ZNHIT6: variants seen among roughly 807,000 people sequenced by gnomAD.
ZNHIT6 encodes the protein zinc finger HIT-type containing 6.
ZNHIT6 carries 45 observed loss-of-function variants against 57.2 expected under a neutral mutation model. That is an observed-to-expected ratio of 0.79 (90% CI 0.62 to 1.01). The LOEUF (loss-of-function observed/expected upper bound fraction) is 1.01, where lower values mean the gene tolerates loss of function less well. Among genes scored for constraint, ZNHIT6 ranks in the 50% least tolerant of loss-of-function variants. The probability of loss-of-function intolerance (pLI) is 0.00; values close to 1 mark genes in which losing one functional copy is unlikely to be tolerated. For synonymous variants in ZNHIT6, 188 were observed against 190.0 expected (o/e 0.99, Z 0.09); for missense variants, 528 against 567.3 (o/e 0.93, Z 0.70).
At chr1:85,669,174 A>G (rs1015280194) in intron 8 of ZNHIT6, among the ~76,000 whole-genome samples, 6 of 152,096 alleles carry the variant, frequency 3.9e-5, no homozygotes, top group Non-Finnish European at 8.8e-5. Flanking sequence ...GGTTTACAGG[A>G]AGGAAGAATA....
Position 85,652,368 on chromosome 1 carries a change from A to G in ZNHIT6, c.*1690T>C, listed in dbSNP as rs1231960757. On this transcript the variant is annotated 3_prime_UTR_variant, in exon 10 of 10. Coordinates refer to ENST00000370574, the MANE Select transcript of ZNHIT6 (RefSeq NM_017953.4). The stretch of plus-strand genomic sequence containing the variant: ...TTTGATTATAAATGAATTCCTTGAA[A>G]TCTTATTTGTCTCTCCAATAATACT... 3.3e-5 allele frequency: 5 copies of G among 152,196 alleles called. No individual in the cohort carries two copies. The highest frequency in any genetic ancestry group is 7.4e-5 in the Non-Finnish European group (5 of 68,022). The allele number at this position is 152,196 out of a possible 1,614,324, so 9.4% of individuals were successfully genotyped here.
intron 5 of ZNHIT6, among the ~76,000 whole-genome samples, chr1:85,688,306 G>A (rs1361152704): frequency 1.3e-5 from 2 of 152,168 alleles, no homozygotes; most frequent in Non-Finnish European, 2.9e-5. Flanking sequence ...CAGCTGGAAA[G>A]TAGCAGAGCT....
Position 85,651,417 on chromosome 1 carries a change from T to C in ZNHIT6, c.*2641A>G, listed in dbSNP as rs1021898165. ...CACGCCTGGCTAATTTTTGTATTTT[T>C]AGTAGACACAGGGTTTTGCCATGTT... On this transcript the variant is annotated 3_prime_UTR_variant, in exon 10 of 10. Coordinates refer to ENST00000370574, the MANE Select transcript of ZNHIT6 (RefSeq NM_017953.4). 2.2e-4 allele frequency: 34 copies of C among 152,124 alleles called. No individual in the cohort carries two copies. The highest frequency in any genetic ancestry group is 2.1e-4 in the South Asian group (1 of 4,832). 9.4% of individuals were successfully genotyped at this position (152,124 alleles called of 1,614,324 possible).
At chr1:85,680,053 A>T (rs904565290) in intron 6 of ZNHIT6, among the ~76,000 whole-genome samples, 1 of 152,186 alleles carries the variant, frequency 6.6e-6, no homozygotes, top group African/African-American at 2.4e-5. Context: ...AAAACTAAAC[A>T]AGATTAGCTG....
intron 8 of ZNHIT6, 62 bp from the exon 9 acceptor site, chr1:85,658,033 A>T: frequency 8.7e-7 from 1 of 1,150,212 alleles, no homozygotes; most frequent in East Asian, 2.6e-5. Context: ...TTACTAATAG[A>T]TAAATATATG....
At chr1:85,706,006 AG>A in intron 4 of ZNHIT6, 71 bp downstream of exon 4, 1 of 1,203,176 alleles carries the variant, frequency 8.3e-7, no homozygotes. Context: ...ATATTTGGTA[AG>A]TTAAAAAAAA....
At position 85,650,814 on chromosome 1, in the gene ZNHIT6, C is replaced by G. The variant is rs550181518; in HGVS notation, c.*3244G>C. On this transcript the variant is annotated 3_prime_UTR_variant, in exon 10 of 10. Coordinates refer to ENST00000370574, the MANE Select transcript of ZNHIT6 (RefSeq NM_017953.4). ...GCTTGTGAGAACTAATCCATTCCCA[C>G]GACAGCAAGAATGAGAACTCACTCA... The G allele has an allele frequency of 6.6e-6, 1 of 152,162 alleles. No homozygotes were observed. Among genetic ancestry groups the G allele is most frequent in the East Asian group, 1.9e-4 (1 of 5,194 alleles). 9.4% of individuals were successfully genotyped at this position (152,162 alleles called of 1,614,324 possible).
rs909563317 is a variant in ZNHIT6, at chr1:85,650,162, A to T, written c.*3896T>A. On this transcript the variant is annotated 3_prime_UTR_variant, in exon 10 of 10. Transcript: ENST00000370574. ...TTAGCTCAGGAACGGAATGTGATCCAATCTGGGCAAAATAAAAGTACTTCT... is the reference window on the plus strand; with the variant it reads ...TTAGCTCAGGAACGGAATGTGATCCTATCTGGGCAAAATAAAAGTACTTCT... The T allele has an allele frequency of 6.6e-6, 1 of 152,220 alleles. No homozygotes were observed. Among genetic ancestry groups the T allele is most frequent in the Non-Finnish European group, 1.5e-5 (1 of 68,052 alleles). The allele number at this position is 152,220 out of a possible 1,614,324, so 9.4% of individuals were successfully genotyped here.
rs751863707 is a variant in ZNHIT6 at position 85,654,104 on chromosome 1, A to C, written c.1373-6T>G. The C allele has an allele frequency of 1.9e-6, 3 of 1,610,556 alleles. No individual in the cohort carries two copies. The African/African-American group carries it at 4.0e-5, about 22-fold the overall frequency. ...CTTGGTAGATTCACTCTTCACTAGA[A>C]AAAAATAAGTAAACATACAGTCAAG... On this transcript the variant is annotated splice_region_variant and splice_polypyrimidine_tract_variant and intron_variant, in intron 9 of 9. Coordinates refer to ENST00000370574, the MANE Select transcript of ZNHIT6 (RefSeq NM_017953.4).
At chr1:85,662,155 TA>T (rs5775861) in intron 8 of ZNHIT6, among the ~76,000 whole-genome samples, 49 of 144,868 alleles carry the variant, frequency 3.4e-4, no homozygotes, top group Middle Eastern at 3.5e-3. Flanking sequence ...TAGTGTGCTT[TA>T]AAAAAAAAAA....
chr1:85,697,017 C>T (rs1022184917), intron 5 of ZNHIT6, among the ~76,000 whole-genome samples: 6 of 131,594 alleles, frequency 4.6e-5, no homozygotes, highest in Non-Finnish European at 8.3e-5. Flanking sequence ...CCCGCCACCA[C>T]GCCCAGCTAA....
At chr1:85,654,449 T>C (rs1053978868) in intron 9 of ZNHIT6, among the ~76,000 whole-genome samples, 6 of 152,216 alleles carry the variant, frequency 3.9e-5, no homozygotes, top group Non-Finnish European at 7.3e-5. Flanking sequence ...TCCATGATTT[T>C]TTTTTAAACT....
At chr1:85,678,929 T>C (rs1661784411) in intron 6 of ZNHIT6, 148 bp from the exon 7 acceptor site, 1 of 491,866 alleles carries the variant, frequency 2.0e-6, no homozygotes, top group Non-Finnish European at 3.5e-6. Flanking sequence ...AAATAAAATA[T>C]CATTTTAAGC....
At chr1:85,689,828 A>G (rs890213208) in intron 5 of ZNHIT6, among the ~76,000 whole-genome samples, 2 of 152,166 alleles carry the variant, frequency 1.3e-5, no homozygotes, top group African/African-American at 4.8e-5. Flanking sequence ...GGAAATTCCT[A>G]CAATGTATGG....
intron 8 of ZNHIT6, among the ~76,000 whole-genome samples, chr1:85,670,963 A>T (rs1661541545): frequency 6.6e-6 from 1 of 151,678 alleles, no homozygotes; most frequent in Non-Finnish European, 1.5e-5. Flanking sequence ...CAGTCCATTA[A>T]ATTCGAAACA....
At chr1:85,681,952 C>T (rs918154172) in intron 5 of ZNHIT6, among the ~76,000 whole-genome samples, 1 of 150,648 alleles carries the variant, frequency 6.6e-6, no homozygotes. Flanking sequence ...ATAGGAATAC[C>T]ATAATAGCAT....
At chr1:85,685,675 C>T (rs9700177) in intron 5 of ZNHIT6, among the ~76,000 whole-genome samples, 60,637 of 151,544 alleles carry the variant, frequency 0.4, 13,387 homozygotes, top group South Asian at 0.57. Context: ...TTTCTGGGCT[C>T]AAGTGATCCT....
Position 85,657,879 on chromosome 1 carries a change from C to A in ZNHIT6, c.1340G>T (p.Gly447Val). 3.7e-6 allele frequency: 6 copies of A among 1,607,618 alleles called. No individual in the cohort carries two copies. The highest frequency in any genetic ancestry group is 1.1e-5 in the South Asian group (1 of 89,356). ...EYPTLHVVLK[G>V]SNNDMKVLHQ... ...AAGAACTTTCATGTCATTATTGGAT[C>A]CTTTCAATACCACATGTAATGTTGG... The change falls in exon 9 of 10, where the codon GGA (glycine) becomes GTA (valine). Residue 447 changes from glycine (G) to valine (V), a missense_variant. By Grantham distance (109) the Gly-to-Val change is moderately radical. Coordinates refer to ENST00000370574, the MANE Select transcript of ZNHIT6 (RefSeq NM_017953.4).
intron 8 of ZNHIT6, among the ~76,000 whole-genome samples, chr1:85,659,957 T>G (rs1316585264): frequency 2.6e-5 from 4 of 152,182 alleles, no homozygotes; most frequent in African/African-American, 9.7e-5. Context: ...CCAGCCACCT[T>G]AGTGCCCACA....
Sources: allele counts gnomAD v4.1 joint callset (sites outside exome capture counted in the v4.1 genomes callset), GRCh38; gene constraint gnomAD v4.1.1; transcripts MANE v1.5; gene names NCBI Gene and HGNC (gene_info 2026-07-23, HGNC 2026-07-21).